Variants in TRMT11 observed in about 807,000 individuals in gnomAD.
TRMT11 encodes the protein tRNA (guanine(10)-N(2))-methyltransferase TRMT11.
A neutral mutation model predicts 62.8 loss-of-function variants in TRMT11; 53 were observed. The ratio of observed to expected loss-of-function variants is 0.84; its 90% CI spans 0.68 to 1.06. TRMT11 has a LOEUF of 1.06. Among genes scored for constraint, TRMT11 ranks in the 50% least tolerant of loss-of-function variants. The probability of loss-of-function intolerance (pLI) is 0.00; values close to 1 mark genes in which losing one functional copy is unlikely to be tolerated. For synonymous variants in TRMT11, 188 were observed against 190.3 expected, an observed-to-expected ratio of 0.99 and a Z score of 0.10; for missense variants, 556 against 553.4, an observed-to-expected ratio of 1.00 and a Z score of -0.05.
intron 21 of TRMT11, among the ~76,000 whole-genome samples, chr6:126,166,863 C>T (rs780532563): frequency 7.9e-5 from 12 of 152,112 alleles, no homozygotes; most frequent in South Asian, 2.1e-4. Flanking sequence ...CATGGTGCTG[C>T]GGTGGGTTCT....
chr6:126,130,343 T>A (rs1777766865), intron 21 of TRMT11, among the ~76,000 whole-genome samples: 1 of 152,036 alleles, frequency 6.6e-6, no homozygotes, highest in South Asian at 2.1e-4. Context: ...ACATAGAAAT[T>A]CAATGGATAC....
At chr6:126,147,625 G>A (rs760328521) in intron 21 of TRMT11, among the ~76,000 whole-genome samples, 2 of 152,154 alleles carry the variant, frequency 1.3e-5, no homozygotes, top group Non-Finnish European at 2.9e-5. Context: ...CTTCGTCCCT[G>A]CGGTACCTTA....
chr6:126,234,104 G>A, the TRMT11 span, among the ~76,000 whole-genome samples: 5 of 151,796 alleles, frequency 3.3e-5, no homozygotes, highest in Non-Finnish European at 7.4e-5. Flanking sequence ...TCAAACCTAC[G>A]TCTCTGTTGG....
At chr6:126,205,118 A>G (rs1778777312), downstream of TRMT11, among the ~76,000 whole-genome samples, 1 of 152,250 alleles carries the variant, frequency 6.6e-6, no homozygotes, top group East Asian at 1.9e-4. Context: ...GAGCAGATGC[A>G]CAAGTTTGAA....
At chr6:126,194,816 G>C (rs1350773569) in intron 1 of TRMT11, among the ~76,000 whole-genome samples, 1 of 152,082 alleles carries the variant, frequency 6.6e-6, no homozygotes, top group African/African-American at 2.4e-5. Flanking sequence ...CCTATCACCT[G>C]CAGTACTTAA....
chr6:126,063,595 G>A (rs1433820302), intron 17 of TRMT11, among the ~76,000 whole-genome samples: 1 of 152,188 alleles, frequency 6.6e-6, no homozygotes, highest in Non-Finnish European at 1.5e-5. Flanking sequence ...ATGTGCAGAC[G>A]AATCCCCTGG....
In TRMT11 at chr6:126,096,006, C is replaced by T. The variant is rs187336872; in HGVS notation, c.*1438-16860C>T. Among the ~76,000 whole-genome samples, 116 of 152,162 alleles carry T rather than the reference C, an allele frequency of 7.6e-4. 2 individuals are homozygous for T. Among genetic ancestry groups the T allele is most frequent in the South Asian group, 6.5e-3 (31 of 4,802 alleles). ...GAGGTAACACTGGAGTCACATGGTC[C>T]GACACTGGCAGACTTTGATTGCCAG... On this transcript the variant is annotated intron_variant and NMD_transcript_variant, in intron 17 of 22. Coordinates refer to the TRMT11 transcript ENST00000648977.
chr6:126,036,252 A>G (rs1374633821), intron 12 of TRMT11, among the ~76,000 whole-genome samples: 1 of 152,156 alleles, frequency 6.6e-6, no homozygotes, highest in Non-Finnish European at 1.5e-5. Context: ...AATTGAATGT[A>G]AGCCCCAGAT....
intron 17 of TRMT11, among the ~76,000 whole-genome samples, chr6:126,112,593 C>T (rs936753096): frequency 3.9e-5 from 6 of 152,082 alleles, no homozygotes; most frequent in African/African-American, 1.4e-4. Context: ...CTGCAATGAT[C>T]GGTTGTAGTA....
At chr6:126,206,133 G>GAA (rs3028040), downstream of TRMT11, among the ~76,000 whole-genome samples, 7 of 152,194 alleles carry the variant, frequency 4.6e-5, no homozygotes, top group African/African-American at 1.7e-4. Context: ...GTCTAACTTC[G>GAA]AAAATGCTAT....
chr6:126,021,395 A>G (rs1795788122), intron 12 of TRMT11, 115 bp downstream of exon 12: 3 of 1,289,870 alleles, frequency 2.3e-6, no homozygotes, highest in Non-Finnish European at 3.2e-6. Flanking sequence ...TTTAAAAATT[A>G]CAGATCAATT....
At chr6:126,238,526 T>A in the TRMT11 span, among the ~76,000 whole-genome samples, 4 of 151,878 alleles carry the variant, frequency 2.6e-5, no homozygotes, top group African/African-American at 4.8e-5. Flanking sequence ...CGGTTTTGAG[T>A]GAGTTTCTTA....
the TRMT11 span, among the ~76,000 whole-genome samples, chr6:126,238,010 T>C: frequency 1.4e-4 from 21 of 152,354 alleles, no homozygotes; most frequent in East Asian, 3.7e-3. Flanking sequence ...GAGGTGTGTG[T>C]AGTATTCTCT....
In TRMT11 at chr6:126,060,674, C is replaced by G. The variant is rs527922625; in HGVS notation, c.*1437+7484C>G. Among the ~76,000 whole-genome samples, 9 of 152,360 alleles carry G rather than the reference C, an allele frequency of 5.9e-5. No homozygotes were observed. The East Asian group carries it at 1.2e-3, about 20-fold the overall frequency. On this transcript the variant is annotated intron_variant and NMD_transcript_variant, in intron 17 of 22. Transcript: ENST00000648977. The stretch of plus-strand genomic sequence containing the variant: ...TGGAGGTGAGGACAAGGCCTGGGCT[C>G]TGTCCAGAAGGCACACAATAGCTGA...
At chr6:126,209,583 G>T in the TRMT11 span, among the ~76,000 whole-genome samples, 3 of 151,820 alleles carry the variant, frequency 2.0e-5, no homozygotes, top group African/African-American at 7.3e-5. Flanking sequence ...AAAAATAGCT[G>T]GGCATGGTGG....
intron 7 of TRMT11, among the ~76,000 whole-genome samples, chr6:126,007,308 A>G (rs763347526): frequency 3.3e-5 from 5 of 152,008 alleles, no homozygotes; most frequent in Non-Finnish European, 5.9e-5. Context: ...TCATTAATTT[A>G]TGGATCTTGA....
chr6:126,072,618 C>T (rs1397363798), intron 17 of TRMT11, among the ~76,000 whole-genome samples: 1 of 152,152 alleles, frequency 6.6e-6, no homozygotes, highest in African/African-American at 2.4e-5. Flanking sequence ...TCAGTTCAGG[C>T]TGCTATAACA....
chr6:126,196,136 T>G (rs1778664051), intron 1 of TRMT11, among the ~76,000 whole-genome samples: 1 of 152,178 alleles, frequency 6.6e-6, no homozygotes. Flanking sequence ...AACTTCATGC[T>G]AGTACCCTGG....
intron 21 of TRMT11, among the ~76,000 whole-genome samples, chr6:126,157,571 A>T (rs1778135985): frequency 6.6e-6 from 1 of 152,222 alleles, no homozygotes; most frequent in South Asian, 2.1e-4. Flanking sequence ...TGCAGGGAAG[A>T]TAAGGAGAAC....
Sources: allele counts gnomAD v4.1 joint callset (sites outside exome capture counted in the v4.1 genomes callset), GRCh38; gene constraint gnomAD v4.1.1; transcripts MANE v1.5; gene names NCBI Gene and HGNC (gene_info 2026-07-23, HGNC 2026-07-21).